Variants in FBN2 observed in about 807,000 individuals in gnomAD.
FBN2 encodes the protein fibrillin 2, also known as fibrillin-2.
A neutral mutation model predicts 355.6 loss-of-function variants in FBN2; 105 were observed. That is an observed-to-expected ratio of 0.30 (90% CI 0.25 to 0.35). The LOEUF is 0.35. FBN2 is among the 10% of genes least tolerant of loss of function. The probability of loss-of-function intolerance (pLI) is 1.00; values close to 1 mark genes in which losing one functional copy is unlikely to be tolerated. For synonymous variants in FBN2, 1,350 were observed against 1,301.2 expected (o/e 1.04, Z -0.81); for missense variants, 3,280 against 3,758.7 (o/e 0.87, Z 3.33).
chr5:128,385,419 A>G (rs1053235231), intron 11 of FBN2, among the ~76,000 whole-genome samples: 1 of 152,110 alleles, frequency 6.6e-6, no homozygotes, highest in African/African-American at 2.4e-5. Flanking sequence ...ATAGTATTCC[A>G]TGGTGTCTAT....
At chr5:128,410,130 A>T (rs977491136) in intron 7 of FBN2, among the ~76,000 whole-genome samples, 6 of 152,168 alleles carry the variant, frequency 3.9e-5, no homozygotes, top group African/African-American at 1.4e-4. Flanking sequence ...ACAAATCAAA[A>T]ATCTACCAAT....
intron 33 of FBN2, 147 bp from the exon 34 acceptor site, chr5:128,328,968 G>C (rs779280768): frequency 1.4e-5 from 11 of 797,912 alleles, no homozygotes; most frequent in Non-Finnish European, 2.3e-5. Flanking sequence ...TTAAAGGAGG[G>C]TATCAACCTG....
chr5:128,376,511 T>A (rs1205852069), intron 14 of FBN2, among the ~76,000 whole-genome samples: 1 of 152,214 alleles, frequency 6.6e-6, no homozygotes, highest in Non-Finnish European at 1.5e-5. Flanking sequence ...GTTCCTTAAT[T>A]TTTCCTATAC....
chr5:128,355,153 G>T (rs778847145), intron 20 of FBN2, among the ~76,000 whole-genome samples: 4 of 152,304 alleles, frequency 2.6e-5, no homozygotes, highest in Admixed American at 6.5e-5. Flanking sequence ...TCTTGAGAAA[G>T]AATGATTAAT....
intron 62 of FBN2, among the ~76,000 whole-genome samples, chr5:128,270,253 A>C (rs1177679161): frequency 6.6e-6 from 1 of 152,192 alleles, no homozygotes; most frequent in Non-Finnish European, 1.5e-5. Context: ...GAGGCTGGGC[A>C]TGGTGGCTCA....
chr5:128,436,156 A>T (rs906259208), intron 7 of FBN2, among the ~76,000 whole-genome samples: 1 of 152,168 alleles, frequency 6.6e-6, no homozygotes, highest in African/African-American at 2.4e-5. Context: ...AATAGTTTAG[A>T]TTGGCAACTT....
At chr5:128,345,907 T>C (rs1295566130) in intron 23 of FBN2, among the ~76,000 whole-genome samples, 1 of 152,252 alleles carries the variant, frequency 6.6e-6, no homozygotes, top group Non-Finnish European at 1.5e-5. Context: ...ATGATAATTC[T>C]TCCTGTTCAG....
chr5:128,453,253 G>A (rs907019982), intron 6 of FBN2, among the ~76,000 whole-genome samples: 4 of 152,326 alleles, frequency 2.6e-5, no homozygotes, highest in Non-Finnish European at 5.9e-5. Flanking sequence ...CTTCACAAAT[G>A]TCACCATCGT....
intron 59 of FBN2, 134 bp downstream of exon 59, chr5:128,275,904 G>T: frequency 1.0e-6 from 1 of 970,018 alleles, no homozygotes; most frequent in Non-Finnish European, 1.6e-6. Flanking sequence ...TTTTCTATGA[G>T]CAATAACATG....
intron 40 of FBN2, among the ~76,000 whole-genome samples, 181 bp downstream of exon 40, chr5:128,309,802 A>G (rs1749982517): frequency 6.6e-6 from 1 of 152,244 alleles, no homozygotes; most frequent in African/African-American, 2.4e-5. Context: ...GCTTTTAAAA[A>G]TTTAAATGTA....
Position 128,300,709 on chromosome 5 carries a change from T to G in FBN2, c.6166+108A>C, listed in dbSNP as rs113055228. On this transcript the variant is annotated intron_variant, in intron 48 of 64. Coordinates refer to ENST00000262464, the MANE Select transcript of FBN2 (RefSeq NM_001999.4). ...TGTAGGCAGCTATATGTTTAATTCC[T>G]TAGGTCAGCATGCTTGCAGTGGTTG... 972 of 1,096,690 alleles carry G rather than the reference T, an allele frequency of 8.9e-4. 4 individuals carry two copies. The African/African-American group carries it at 0.012, about 14-fold the overall frequency. The allele number at this position is 1,096,690 out of a possible 1,614,324, so 67.9% of individuals were successfully genotyped here.
In FBN2 at chr5:128,357,270, T is replaced by A. The variant is rs1381952326; in HGVS notation, c.2674+6A>T. ...TTGAAGCATCAGTATTGTGTATGAA[T>A]CTTACCAATACAGATCAATCCTGTG... is the stretch of plus-strand genomic sequence containing the variant. On this transcript the variant is annotated splice_donor_region_variant and intron_variant, in intron 20 of 64. Transcript: ENST00000262464. 19 of 1,613,844 alleles carry A rather than the reference T, an allele frequency of 1.2e-5. No individual in the cohort carries two copies. Among genetic ancestry groups the A allele is most frequent in the Non-Finnish European group, 1.6e-5 (19 of 1,179,734 alleles).
chr5:128,452,262 C>T (rs1483805281), intron 6 of FBN2, among the ~76,000 whole-genome samples: 1 of 152,140 alleles, frequency 6.6e-6, no homozygotes, highest in Non-Finnish European at 1.5e-5. Flanking sequence ...TATCTTTGCT[C>T]ATTCCTTCAA....
chr5:128,382,798 C>G (rs1752267669), intron 11 of FBN2, among the ~76,000 whole-genome samples: 1 of 152,054 alleles, frequency 6.6e-6, no homozygotes, highest in Non-Finnish European at 1.5e-5. Context: ...TTAAGTTTTT[C>G]TGCAGTCCTA....
chr5:128,468,890 G>A (rs1484966526), intron 5 of FBN2, among the ~76,000 whole-genome samples: 1 of 152,140 alleles, frequency 6.6e-6, no homozygotes, highest in Non-Finnish European at 1.5e-5. Context: ...AACATGTTGA[G>A]ATTTGTGATA....
rs140017238 is a variant in FBN2, at chr5:128,335,305, C to T, written c.3848-10G>A. On this transcript the variant is annotated splice_polypyrimidine_tract_variant and intron_variant, in intron 29 of 64. Coordinates refer to ENST00000262464, the MANE Select transcript of FBN2 (RefSeq NM_001999.4). ...TCACATTCATCAATGTCTGATGATA[C>T]AAAATTAGCATCAAATGAAAATAAA... 9.5e-5 allele frequency: 154 copies of T among 1,613,766 alleles called. 1 individual carries two copies. Among genetic ancestry groups the T allele is most frequent in the Non-Finnish European group, 1.2e-4 (143 of 1,179,780 alleles).
At chr5:128,470,795 G>A (rs532999548) in intron 5 of FBN2, among the ~76,000 whole-genome samples, 359 of 152,032 alleles carry the variant, frequency 2.4e-3, no homozygotes, top group South Asian at 0.012. Context: ...TATCATTTAT[G>A]TGACTGTCAG....
At chr5:128,413,836 T>C (rs1018199903) in intron 7 of FBN2, among the ~76,000 whole-genome samples, 5 of 152,186 alleles carry the variant, frequency 3.3e-5, no homozygotes, top group Admixed American at 2.6e-4. Context: ...CCAAGAACTA[T>C]ACATATTTGG....
At chr5:128,366,005 G>A (rs947809194) in intron 17 of FBN2, among the ~76,000 whole-genome samples, 1 of 151,678 alleles carries the variant, frequency 6.6e-6, no homozygotes, top group African/African-American at 2.4e-5. Context: ...CTTTAATACT[G>A]TTTATTTTTC....
Sources: allele counts gnomAD v4.1 joint callset (sites outside exome capture counted in the v4.1 genomes callset), GRCh38; gene constraint gnomAD v4.1.1; transcripts MANE v1.5; gene names NCBI Gene and HGNC (gene_info 2026-07-23, HGNC 2026-07-21).